HERC1: variants seen among roughly 807,000 people sequenced by gnomAD.
HERC1 encodes the protein probable E3 ubiquitin-protein ligase HERC1.
A neutral mutation model predicts 554.3 loss-of-function variants in HERC1; 160 were observed. The ratio of observed to expected loss-of-function variants is 0.29; its 90% CI spans 0.25 to 0.33. The LOEUF (loss-of-function observed/expected upper bound fraction) is 0.33. HERC1 is among the 10% of genes least tolerant of loss of function. The pLI, the probability that HERC1 is intolerant of heterozygous loss-of-function variation, is 1.00. For synonymous variants in HERC1, 2,175 were observed against 2,131.7 expected, an observed-to-expected ratio of 1.02 and a Z score of -0.56; for missense variants, 4,919 against 5,918.5, an observed-to-expected ratio of 0.83 and a Z score of 5.54.
At position 63,645,656 on chromosome 15, in the gene HERC1, G is replaced by A. The variant is rs1484268413; in HGVS notation, c.10905C>T (p.Asp3635=). The change falls in exon 56 of 78, where the codon GAC becomes GAT. Residue 3635 remains aspartate (D), a synonymous_variant. Coordinates refer to ENST00000443617, the MANE Select transcript of HERC1 (RefSeq NM_003922.4). ...ATGTCATAAGAATATGACCTGTAGG[G>A]TCCCACTTCATGCTAATAAGAGTAT... is the stretch of plus-strand genomic sequence containing the variant. The part of the protein sequence containing the change: ...HKDTLISMKW[D]PTGHILMTCA... The A allele has an allele frequency of 6.3e-7, 1 of 1,597,596 alleles. No homozygotes were observed. The highest frequency in any genetic ancestry group is 1.1e-5 in the South Asian group (1 of 87,814).
chr15:63,613,621 C>T (rs560887886), intron 76 of HERC1, among the ~76,000 whole-genome samples: 32 of 151,916 alleles, frequency 2.1e-4, no homozygotes, highest in Non-Finnish European at 4.0e-4. Flanking sequence ...TATGCATATC[C>T]TATATTATCG....
At chr15:63,650,787 A>C (rs1480608532) in intron 53 of HERC1, among the ~76,000 whole-genome samples, 2 of 152,252 alleles carry the variant, frequency 1.3e-5, no homozygotes, top group Non-Finnish European at 2.9e-5. Flanking sequence ...AATATGTGAC[A>C]CAGAACACCT....
intron 33 of HERC1, among the ~76,000 whole-genome samples, chr15:63,687,341 C>G (rs1414485405): frequency 6.6e-6 from 1 of 152,074 alleles, no homozygotes; most frequent in Non-Finnish European, 1.5e-5. Flanking sequence ...AGTTTGAGAT[C>G]AGCCTGGCTA....
intron 5 of HERC1, among the ~76,000 whole-genome samples, chr15:63,755,573 G>A (rs543433543): frequency 3.2e-4 from 48 of 152,278 alleles, no homozygotes; most frequent in African/African-American, 1.1e-3. Flanking sequence ...GAGCTCAGGA[G>A]TTCGAGTTCA....
chr15:63,690,758 A>G, intron 31 of HERC1, 111 bp from the exon 32 acceptor site: 1 of 662,386 alleles, frequency 1.5e-6, no homozygotes, highest in Non-Finnish European at 2.7e-6. Context: ...GGTGGAACAA[A>G]CTTGATTTCA....
At chr15:63,630,749 T>C (rs2068513520) in intron 68 of HERC1, 114 bp from the exon 69 acceptor site, 2 of 999,526 alleles carry the variant, frequency 2.0e-6, no homozygotes, top group Admixed American at 2.9e-5. Flanking sequence ...ATGACACATA[T>C]AACTCAACTG....
chr15:63,788,977 C>T (rs1429448981), intron 1 of HERC1, among the ~76,000 whole-genome samples: 1 of 148,200 alleles, frequency 6.7e-6, no homozygotes, highest in Non-Finnish European at 1.5e-5. Flanking sequence ...AATCTATTAA[C>T]ATTAACCAAT....
In HERC1 at chr15:63,716,459, C is replaced by T. The variant is rs1441894860; in HGVS notation, c.3993G>A (p.Gln1331=). The T allele has an allele frequency of 2.5e-6, 4 of 1,600,406 alleles. No individual in the cohort carries two copies. The highest frequency in any genetic ancestry group is 2.3e-5 in the East Asian group (1 of 44,414). ...SSRDRWISEN[Q]DSADVDPQEH... ...CCTGAGGATCAACATCTGCAGAGTC[C>T]TGGTTTTCTGATATCTTAAAGAAAT... is the stretch of plus-strand genomic sequence containing the variant. The change falls in exon 22 of 78, where the codon CAG becomes CAA. Residue 1331 remains glutamine (Q), a synonymous_variant. Transcript: ENST00000443617.
At position 63,826,795 on chromosome 15, in the gene HERC1, AAAAAAAAAAAAAAAAAAAAATATAT is replaced by A. The variant is rs1371330494; in HGVS notation, c.-27+7007_-27+7031del. 3.7e-3 allele frequency among the ~76,000 whole-genome samples: 222 copies of A among 60,430 alleles called. 6 individuals are homozygous for A. Among genetic ancestry groups the A allele is most frequent in the African/African-American group, 0.015 (212 of 14,170 alleles). The allele number at this position is 60,430 out of a possible 152,430, so 39.6% of individuals were successfully genotyped here. A position where few individuals can be genotyped will look rare whatever the true frequency, so the allele number is the denominator to read the frequency against. ...TCACTTATCTCTGGTAAAAAAAAAA[AAAAAAAAAAAAAAAAAAAAATATAT>A]ATATATATATATATATATATATAAA... is the stretch of plus-strand genomic sequence containing the variant. On this transcript the variant is annotated intron_variant, in intron 1 of 77. Transcript: ENST00000443617.
At chr15:63,819,028 G>A (rs1398195804) in intron 1 of HERC1, among the ~76,000 whole-genome samples, 1 of 152,158 alleles carries the variant, frequency 6.6e-6, no homozygotes, top group African/African-American at 2.4e-5. Flanking sequence ...ATTACCATAA[G>A]CCATCTTGGC....
intron 1 of HERC1, among the ~76,000 whole-genome samples, chr15:63,800,279 C>G (rs2076938217): frequency 6.6e-6 from 1 of 152,170 alleles, no homozygotes; most frequent in African/African-American, 2.4e-5. Flanking sequence ...AATAGGTTTA[C>G]TCTAAAGAAC....
intron 24 of HERC1, among the ~76,000 whole-genome samples, chr15:63,711,702 C>G (rs1482965620): frequency 6.6e-6 from 1 of 152,214 alleles, no homozygotes; most frequent in Non-Finnish European, 1.5e-5. Flanking sequence ...ATAAGTCCAT[C>G]TCAAACGCTA....
In HERC1 at chr15:63,775,724, T is replaced by A; in HGVS notation, c.-26-75A>T. On this transcript the variant is annotated intron_variant, in intron 1 of 77. Coordinates refer to ENST00000443617, the MANE Select transcript of HERC1 (RefSeq NM_003922.4). This position sits in a 1 kb window ranked among gnomAD's most constrained non-coding sequence, Gnocchi z 4.0. ...AATGTTTCCAAAATTTCATCTTACA[T>A]TACAATTAATGATTTCAAACTGGTG... 2.0e-6 allele frequency: 2 copies of A among 993,528 alleles called. No individual in the cohort carries two copies. The highest frequency in any genetic ancestry group is 3.0e-6 in the Non-Finnish European group (2 of 665,264). The allele number at this position is 993,528 out of a possible 1,614,324, so 61.5% of individuals were successfully genotyped here.
intron 75 of HERC1, 123 bp downstream of exon 75, chr15:63,616,307 A>T (rs755487418): frequency 4.5e-5 from 46 of 1,027,692 alleles, no homozygotes; most frequent in Non-Finnish European, 6.4e-5. Context: ...GCAATGGCAT[A>T]GATATGGCAT....
Position 63,749,592 on chromosome 15 carries a change from T to C in HERC1, c.2048-54A>G. 1 of 1,574,928 alleles carries C rather than the reference T, an allele frequency of 6.3e-7. No homozygotes were observed. The highest frequency in any genetic ancestry group is 8.6e-7 in the Non-Finnish European group (1 of 1,161,298). ...AAAGAAAAGCCAAATTCAAATGTAA[T>C]ATATTTACACAAGACAACAGTTAAT... On this transcript the variant is annotated intron_variant, in intron 9 of 77. Transcript: ENST00000443617. The surrounding 1 kb of genome is among the most constrained non-coding windows in gnomAD (Gnocchi z 4.1).
At chr15:63,725,821 A>T (rs2074016083) in intron 17 of HERC1, among the ~76,000 whole-genome samples, 1 of 152,172 alleles carries the variant, frequency 6.6e-6, no homozygotes. Flanking sequence ...CCAGACCAAA[A>T]TTCACTATCT....
chr15:63,635,614 A>G (rs2068746890), intron 65 of HERC1, among the ~76,000 whole-genome samples: 1 of 152,244 alleles, frequency 6.6e-6, no homozygotes, highest in Non-Finnish European at 1.5e-5. Flanking sequence ...CATAAATGAT[A>G]GGTTAAAAGC....
At position 63,626,130 on chromosome 15, in the gene HERC1, C is replaced by G. The variant is rs1233118540; in HGVS notation, c.13130G>C (p.Gly4377Ala). 8 of 1,613,428 alleles carry G rather than the reference C, an allele frequency of 5.0e-6. No individual in the cohort carries two copies. The highest frequency in any genetic ancestry group is 1.7e-5 in the Admixed American group (1 of 59,888). Reference protein sequence around the residue: ...APGVSVPLQLGLPDTVPPQYG... With the variant: ...APGVSVPLQLALPDTVPPQYG... ...CTGGGGGGGCACTGTGTCAGGCAGGCCCAGCTGCAGAGGTACTGACACACC... is the reference window on the plus strand; with the variant it reads ...CTGGGGGGGCACTGTGTCAGGCAGGGCCAGCTGCAGAGGTACTGACACACC... Residue 4377 changes from glycine to alanine, a missense_variant, in exon 71 of 78, where the codon GGC becomes GCC. Coordinates refer to ENST00000443617, the MANE Select transcript of HERC1 (RefSeq NM_003922.4).
In HERC1 at chr15:63,692,507, G is replaced by A. The variant is rs1250594628; in HGVS notation, c.5734C>T (p.Arg1912Cys). The change falls in exon 31 of 78, where the codon CGC becomes TGC. Residue 1912 changes from arginine to cysteine, a missense_variant. Physicochemically the swap from Arg to Cys is radical, Grantham distance 180. Transcript: ENST00000443617. The surrounding 1 kb of genome is among the most constrained non-coding windows in gnomAD (Gnocchi z 4.7). The part of the protein sequence containing the change: ...LHLGDFLVFL[R>C]RVVSSKAIQS... ...ATTGCTTTTGAAGATACAACTCTGC[G>A]AAGAAAAACTAAAAAATCCCCTAGA... is the stretch of plus-strand genomic sequence containing the variant. 3 of 1,613,332 alleles carry A rather than the reference G, an allele frequency of 1.9e-6. No individual in the cohort carries two copies. The highest frequency in any genetic ancestry group is 2.5e-6 in the Non-Finnish European group (3 of 1,179,700).
Sources: gnomAD v4.1 joint callset for allele counts (sites outside exome capture counted in the v4.1 genomes callset) on GRCh38, gnomAD v4.1.1 for gene constraint, Gnocchi (gnomAD v3.1) non-coding constraint, MANE v1.5 for transcripts, NCBI Gene and HGNC (gene_info 2026-07-23, HGNC 2026-07-21) for gene names.